DLGAP2: variants seen among roughly 807,000 people sequenced by gnomAD.
The protein encoded by DLGAP2 is disks large-associated protein 2.
A neutral mutation model predicts 100.3 loss-of-function variants in DLGAP2; 26 were observed. That is an observed-to-expected ratio of 0.26 (90% CI 0.19 to 0.36). The LOEUF (loss-of-function observed/expected upper bound fraction) is 0.36, where lower values mean the gene tolerates loss of function less well. DLGAP2 is among the 10% of genes least tolerant of loss of function. The probability of loss-of-function intolerance (pLI) is 1.00; values close to 1 mark genes in which losing one functional copy is unlikely to be tolerated. For missense variants in DLGAP2, 1,858 were observed against 1,453.2 expected (o/e 1.28, Z -4.53); for synonymous variants, 886 against 630.1 (o/e 1.41, Z -6.08).
intron 2 of DLGAP2, among the ~76,000 whole-genome samples, chr8:940,215 C>A (rs920647671): frequency 7.2e-5 from 11 of 152,038 alleles, no homozygotes; most frequent in Non-Finnish European, 1.3e-4. Flanking sequence ...TCTGAGTTTC[C>A]ATTTCACCTT....
intron 3 of DLGAP2, among the ~76,000 whole-genome samples, chr8:1,365,954 G>A (rs1400774727): frequency 1.3e-5 from 2 of 152,214 alleles, no homozygotes; most frequent in African/African-American, 4.8e-5. Context: ...TCTCTTTGTG[G>A]AGAAATTGCT....
chr8:1,607,690 G>C (rs1332825970), intron 6 of DLGAP2, among the ~76,000 whole-genome samples: 2 of 152,270 alleles, frequency 1.3e-5, no homozygotes, highest in African/African-American at 4.8e-5. Context: ...CGCGCACCGG[G>C]CGCGAGCCGA....
intron 3 of DLGAP2, among the ~76,000 whole-genome samples, chr8:1,454,879 C>A (rs1371894970): frequency 6.6e-6 from 1 of 152,130 alleles, no homozygotes; most frequent in African/African-American, 2.4e-5. Flanking sequence ...TGTGGCCCAC[C>A]CTCCCGTCAT....
chr8:1,298,804 T>C (rs1235154222), intron 3 of DLGAP2, among the ~76,000 whole-genome samples: 1 of 152,156 alleles, frequency 6.6e-6, no homozygotes, highest in Admixed American at 6.5e-5. Context: ...TGAGAGGCAA[T>C]ATAACGCTGG....
intron 3 of DLGAP2, among the ~76,000 whole-genome samples, chr8:1,407,107 G>T (rs372410812): frequency 5.4e-5 from 1 of 18,624 alleles, no homozygotes; most frequent in Non-Finnish European, 9.2e-5. Context: ...CTTGTCCTCC[G>T]GAGTCGTGTA....
At chr8:741,397 G>A (rs1820480201) in intron 1 of DLGAP2, among the ~76,000 whole-genome samples, 1 of 152,104 alleles carries the variant, frequency 6.6e-6, no homozygotes, top group African/African-American at 2.4e-5. Context: ...TCATTCTTCT[G>A]TGCACTGACT....
At chr8:909,444 T>A (rs1025891626) in intron 2 of DLGAP2, among the ~76,000 whole-genome samples, 1 of 151,904 alleles carries the variant, frequency 6.6e-6, no homozygotes, top group African/African-American at 2.4e-5. Context: ...GTATTAAGTA[T>A]GGAAATGAAT....
chr8:1,114,766 A>T (rs1805064290), intron 2 of DLGAP2, among the ~76,000 whole-genome samples: 1 of 151,790 alleles, frequency 6.6e-6, no homozygotes, highest in Non-Finnish European at 1.5e-5. Context: ...TTGCTTCTCC[A>T]ATTCTTTTAA....
At chr8:1,472,671 G>A (rs1384328917) in intron 3 of DLGAP2, among the ~76,000 whole-genome samples, 1 of 152,152 alleles carries the variant, frequency 6.6e-6, no homozygotes, top group African/African-American at 2.4e-5. Context: ...CTACAGATGA[G>A]GCAAGGGGTG....
chr8:1,550,952 G>A (rs1424591634), intron 5 of DLGAP2, among the ~76,000 whole-genome samples: 1 of 152,224 alleles, frequency 6.6e-6, no homozygotes, highest in African/African-American at 2.4e-5. Context: ...TGGAGTAATG[G>A]GCCATTGCTG....
chr8:1,425,413 C>T (rs1224951694), intron 3 of DLGAP2, among the ~76,000 whole-genome samples: 3 of 152,166 alleles, frequency 2.0e-5, no homozygotes, highest in Non-Finnish European at 2.9e-5. Context: ...TCGACAGCAT[C>T]GCCCATGGTA....
chr8:1,182,694 G>C (rs1055348046), intron 2 of DLGAP2, among the ~76,000 whole-genome samples: 1 of 152,214 alleles, frequency 6.6e-6, no homozygotes, highest in Non-Finnish European at 1.5e-5. Context: ...CACTGAGTCT[G>C]CCCTGCCATC....
intron 1 of DLGAP2, among the ~76,000 whole-genome samples, chr8:851,192 T>G (rs1302353572): frequency 6.6e-6 from 1 of 152,266 alleles, no homozygotes; most frequent in Non-Finnish European, 1.5e-5. Context: ...AGTCACACAC[T>G]GTGCAGGTGT....
chr8:1,412,019 G>C (rs1796745226), intron 3 of DLGAP2, among the ~76,000 whole-genome samples: 1 of 152,198 alleles, frequency 6.6e-6, no homozygotes, highest in South Asian at 2.1e-4. Flanking sequence ...ATGGGCAGGT[G>C]ATCTCCTGCT....
chr8:769,424 C>T (rs1821300191), intron 1 of DLGAP2, among the ~76,000 whole-genome samples: 1 of 151,944 alleles, frequency 6.6e-6, no homozygotes, highest in African/African-American at 2.4e-5. Context: ...GAAGCATAGC[C>T]ATTAACCCCG....
At chr8:1,129,537 G>T (rs1182922864) in intron 2 of DLGAP2, among the ~76,000 whole-genome samples, 2 of 152,140 alleles carry the variant, frequency 1.3e-5, no homozygotes, top group Non-Finnish European at 2.9e-5. Flanking sequence ...TTTGTAAAAT[G>T]CTGGGAGGAG....
At chr8:1,195,287 G>C (rs528745126) in intron 2 of DLGAP2, among the ~76,000 whole-genome samples, 36 of 152,190 alleles carry the variant, frequency 2.4e-4, no homozygotes, top group Non-Finnish European at 3.4e-4. Flanking sequence ...GTTAGAACTG[G>C]CTTCCCTGCA....
intron 2 of DLGAP2, among the ~76,000 whole-genome samples, chr8:1,182,046 A>G (rs60000622): frequency 0.16 from 23,956 of 152,240 alleles, 4,255 homozygotes; most frequent in African/African-American, 0.44. Context: ...TCTGTGCTGC[A>G]GTGCGTAAGA....
chr8:1,294,694 A>G (rs1800131128), intron 3 of DLGAP2, among the ~76,000 whole-genome samples: 2 of 152,110 alleles, frequency 1.3e-5, no homozygotes, highest in African/African-American at 4.8e-5. Context: ...TGTATGTGTG[A>G]GAGAGTTAGA....
Sources: gnomAD v4.1 joint callset for allele counts (sites outside exome capture counted in the v4.1 genomes callset) on GRCh38, gnomAD v4.1.1 for gene constraint, MANE v1.5 for transcripts, NCBI Gene and HGNC (gene_info 2026-07-23, HGNC 2026-07-21) for gene names.